Variants in ZPBP observed in about 807,000 individuals in gnomAD.
The protein encoded by ZPBP is zona pellucida binding protein.
A neutral mutation model predicts 44.8 loss-of-function variants in ZPBP; 26 were observed. The ratio of observed to expected loss-of-function variants is 0.58; its 90% CI spans 0.43 to 0.81. The LOEUF (loss-of-function observed/expected upper bound fraction) is 0.81. Ranked by LOEUF, ZPBP falls within the 30% of genes least tolerant of loss-of-function variation. ZPBP has a pLI of 0.00. For missense variants in ZPBP, 409 were observed against 434.0 expected, an observed-to-expected ratio of 0.94 and a Z score of 0.51; for synonymous variants, 174 against 153.2, an observed-to-expected ratio of 1.14 and a Z score of -1.00.
chr7:49,920,695 T>C (rs1417828175), intron 1 of ZPBP: 1 of 148,456 alleles, frequency 6.7e-6, no homozygotes, highest in African/African-American at 2.5e-5. Flanking sequence ...AACACATATG[T>C]ATTTAATTGT....
chr7:50,072,867 C>G (rs1024646359), intron 3 of ZPBP, among the ~76,000 whole-genome samples: 7 of 152,052 alleles, frequency 4.6e-5, no homozygotes, highest in Admixed American at 1.3e-4. Flanking sequence ...AAGAATGGAG[C>G]CTCCTAAAAC....
chr7:49,892,037 T>G (rs1792156878), intron 2 of ZPBP, among the ~76,000 whole-genome samples: 1 of 118,498 alleles, frequency 8.4e-6, no homozygotes, highest in African/African-American at 3.2e-5. Context: ...GTAGATTTTT[T>G]TTTTTTTTTT....
intron 1 of ZPBP, 122 bp downstream of exon 1, chr7:50,092,946 G>C: frequency 7.3e-7 from 1 of 1,374,720 alleles, no homozygotes; most frequent in Non-Finnish European, 9.6e-7. Context: ...TTCTTGTCAC[G>C]TATTAGTGAG....
chr7:49,999,987 A>G (rs2128793941), intron 6 of ZPBP, among the ~76,000 whole-genome samples: 1 of 152,222 alleles, frequency 6.6e-6, no homozygotes, highest in East Asian at 1.9e-4. Context: ...ACACAGAGGA[A>G]ATTAGTTGTT....
At chr7:49,928,547 A>G (rs1794333333) in intron 1 of ZPBP, among the ~76,000 whole-genome samples, 1 of 152,222 alleles carries the variant, frequency 6.6e-6, no homozygotes, top group Non-Finnish European at 1.5e-5. Flanking sequence ...TGCTGCCAAC[A>G]TACTATGTAC....
intron 3 of ZPBP, 69 bp downstream of exon 3, chr7:50,081,705 A>G: frequency 6.4e-7 from 1 of 1,564,886 alleles, no homozygotes; most frequent in Non-Finnish European, 8.8e-7. Flanking sequence ...TGAGATACAA[A>G]CATTCTTTTT....
chr7:49,968,064 G>C (rs1218739914), intron 7 of ZPBP, among the ~76,000 whole-genome samples: 2 of 151,694 alleles, frequency 1.3e-5, no homozygotes, highest in Non-Finnish European at 2.9e-5. Context: ...TTTTTCTAAT[G>C]ACAGCAGATT....
chr7:49,904,774 C>T (rs1263057172), intron 1 of ZPBP, among the ~76,000 whole-genome samples: 5 of 139,940 alleles, frequency 3.6e-5, no homozygotes, highest in Non-Finnish European at 6.0e-5. Context: ...ATCACTCTGT[C>T]GCCCAGGTTG....
chr7:49,944,340 C>T, intron 7 of ZPBP: 1 of 228,042 alleles, frequency 4.4e-6, no homozygotes, highest in Non-Finnish European at 8.7e-6. Context: ...GTGGCCTGGT[C>T]CCTCATGTTT....
chr7:49,996,233 G>T (rs1797835220), intron 6 of ZPBP, among the ~76,000 whole-genome samples: 1 of 152,066 alleles, frequency 6.6e-6, no homozygotes, highest in Non-Finnish European at 1.5e-5. Context: ...CACTCCACGG[G>T]TCACAAAACT....
At chr7:49,949,580 C>T (rs1289720828) in intron 7 of ZPBP, among the ~76,000 whole-genome samples, 3 of 151,730 alleles carry the variant, frequency 2.0e-5, no homozygotes, top group Admixed American at 6.6e-5. Flanking sequence ...AGAGTAGTCA[C>T]ATTTATAGAG....
At chr7:50,028,638 CA>C (rs1799445980) in intron 5 of ZPBP, among the ~76,000 whole-genome samples, 1 of 150,546 alleles carries the variant, frequency 6.6e-6, no homozygotes, top group Admixed American at 6.6e-5. Flanking sequence ...GGAATTCAAC[CA>C]AAGGTGCACA....
intron 1 of ZPBP, among the ~76,000 whole-genome samples, chr7:50,090,432 T>C (rs1280436449): frequency 2.0e-5 from 3 of 151,932 alleles, no homozygotes; most frequent in Admixed American, 2.0e-4. Context: ...CATTAATCCA[T>C]TCCTTTTTAT....
intron 2 of ZPBP, among the ~76,000 whole-genome samples, chr7:49,872,141 T>C (rs774532217): frequency 3.3e-5 from 5 of 152,098 alleles, no homozygotes; most frequent in South Asian, 2.1e-4. Context: ...CAATTAAAAA[T>C]ATCCCAGTGA....
rs1302542562 is a variant in ZPBP at position 50,010,459 on chromosome 7, C to T, written c.783+7781G>A. Among the ~76,000 whole-genome samples, 6 of 151,926 alleles carry T rather than the reference C, an allele frequency of 3.9e-5. No individual in the cohort carries two copies. The East Asian group carries it at 1.2e-3, about 29-fold the overall frequency. On this transcript the variant is annotated intron_variant, in intron 6 of 7. Coordinates refer to ENST00000046087, the MANE Select transcript of ZPBP (RefSeq NM_007009.3). ...AATAATCTTTAGCTTAAATCTCATGCCTTATAGAAAATTACTAAAACGTTA... is the reference window on the plus strand; with the variant it reads ...AATAATCTTTAGCTTAAATCTCATGTCTTATAGAAAATTACTAAAACGTTA...
chr7:50,072,181 G>A (rs185935777), intron 3 of ZPBP, among the ~76,000 whole-genome samples: 3 of 152,296 alleles, frequency 2.0e-5, no homozygotes, highest in East Asian at 3.9e-4. Flanking sequence ...AGGAAGCATG[G>A]GCCTTAAGGG....
At chr7:49,937,794 T>C (rs1010682993) in intron 7 of ZPBP, among the ~76,000 whole-genome samples, 172 bp from the exon 8 acceptor site, 3 of 152,178 alleles carry the variant, frequency 2.0e-5, no homozygotes, top group Admixed American at 2.0e-4. Flanking sequence ...CTATACCCAT[T>C]TCCCTGTTTC....
chr7:50,087,411 A>G (rs533142934), intron 2 of ZPBP, among the ~76,000 whole-genome samples: 2 of 152,078 alleles, frequency 1.3e-5, no homozygotes, highest in East Asian at 3.9e-4. Context: ...AGAACAAAAA[A>G]CACATTATCG....
intron 1 of ZPBP, among the ~76,000 whole-genome samples, chr7:50,092,250 T>C (rs1309839917): frequency 1.3e-5 from 2 of 152,228 alleles, no homozygotes; most frequent in Non-Finnish European, 2.9e-5. Context: ...CGGCTATTCA[T>C]ATACTTATAG....
Sources: gnomAD v4.1 joint callset for allele counts (sites outside exome capture counted in the v4.1 genomes callset) on GRCh38, gnomAD v4.1.1 for gene constraint, MANE v1.5 for transcripts, NCBI Gene and HGNC (gene_info 2026-07-23, HGNC 2026-07-21) for gene names.